The following NEBL variants were observed in gnomAD, a reference collection of about 807,000 sequenced individuals.
NEBL encodes the protein nebulette.
Under a neutral mutation model 140.2 loss-of-function variants are expected in NEBL, and 122 were observed. The ratio of observed to expected loss-of-function variants is 0.87; its 90% CI spans 0.75 to 1.01. The LOEUF (loss-of-function observed/expected upper bound fraction) is 1.01, where lower values mean the gene tolerates loss of function less well. NEBL is among the 50% of genes least tolerant of loss of function. The pLI, the probability that NEBL is intolerant of heterozygous loss-of-function variation, is 0.00. For missense variants in NEBL, 1,365 were observed against 1,231.3 expected (o/e 1.11, Z -1.62); for synonymous variants, 436 against 398.9 (o/e 1.09, Z -1.11).
chr10:20,912,321 T>C (rs1848362743), intron 4 of NEBL, among the ~76,000 whole-genome samples: 2 of 152,276 alleles, frequency 1.3e-5, no homozygotes, highest in South Asian at 4.1e-4. Context: ...TGTGGTGGTG[T>C]GTGCCTGTAG....
At chr10:21,093,830 G>A (rs1485366023) in intron 2 of NEBL, among the ~76,000 whole-genome samples, 1 of 152,158 alleles carries the variant, frequency 6.6e-6, no homozygotes. Flanking sequence ...GTCCTAGACT[G>A]GTTTCCTTAG....
intron 9 of NEBL, among the ~76,000 whole-genome samples, chr10:20,857,430 G>T (rs1161342339): frequency 2.0e-5 from 3 of 152,054 alleles, no homozygotes; most frequent in African/African-American, 7.2e-5. Flanking sequence ...ATCTATGCCT[G>T]GCCCAAAGCA....
intron 26 of NEBL, among the ~76,000 whole-genome samples, chr10:20,799,093 A>AATATAAT (rs1836847205): frequency 6.6e-6 from 1 of 152,214 alleles, no homozygotes; most frequent in African/African-American, 2.4e-5. Flanking sequence ...GATAGCCTAC[A>AATATAAT]CATTGGAATT....
At chr10:20,933,618 C>T (rs1471636083) in intron 4 of NEBL, among the ~76,000 whole-genome samples, 1 of 152,164 alleles carries the variant, frequency 6.6e-6, no homozygotes, top group African/African-American at 2.4e-5. Context: ...CCTGTAATCC[C>T]AGCTACCTGG....
intron 2 of NEBL, among the ~76,000 whole-genome samples, chr10:21,119,889 C>A (rs571125067): frequency 6.2e-4 from 95 of 152,140 alleles, no homozygotes; most frequent in African/African-American, 2.3e-3. Flanking sequence ...TTAAACAGCT[C>A]CCCAGCCTTT....
rs778128527 is a variant in NEBL, at chr10:20,808,523, C to T, written c.2748G>A (p.Pro916=). 65 of 1,613,752 alleles carry T rather than the reference C, an allele frequency of 4.0e-5. No homozygotes were observed. The highest frequency in any genetic ancestry group is 1.3e-4 in the African/African-American group (10 of 74,894). Residue 916 remains proline, a synonymous_variant, in exon 26 of 28, where the codon CCG becomes CCA. Coordinates refer to ENST00000377122, the MANE Select transcript of NEBL (RefSeq NM_006393.3). ...AATGTTTGATACCTCCTTCATCAGA[C>T]GGTCTTGTTACCTCACTGCAGCATG... The part of the protein sequence containing the change: ...SFSCCSEVTR[P]SDEGAPVLPG...
chr10:21,126,212 T>G, intron 2 of NEBL: 1 of 1,293,700 alleles, frequency 7.7e-7, no homozygotes, highest in Non-Finnish European at 1.1e-6. Context: ...TAATAACAAC[T>G]ACATTGCTGG....
At chr10:20,811,094 A>C (rs142145772) in intron 24 of NEBL, among the ~76,000 whole-genome samples, 1 of 152,304 alleles carries the variant, frequency 6.6e-6, no homozygotes, top group East Asian at 1.9e-4. Flanking sequence ...GCTCATTGGA[A>C]AGTTTAATGT....
At chr10:21,028,465 C>A (rs889927136) in intron 2 of NEBL, among the ~76,000 whole-genome samples, 1 of 152,044 alleles carries the variant, frequency 6.6e-6, no homozygotes, top group Non-Finnish European at 1.5e-5. Context: ...CACGCATGCA[C>A]AGGCACACAC....
At chr10:20,968,721 C>T (rs928977555) in intron 3 of NEBL, among the ~76,000 whole-genome samples, 7 of 152,112 alleles carry the variant, frequency 4.6e-5, no homozygotes, top group East Asian at 3.8e-4. Context: ...ATTACTGATT[C>T]GCATTATTCT....
intron 2 of NEBL, chr10:21,248,149 C>T (rs182495810): frequency 1.6e-3 from 315 of 192,490 alleles, no homozygotes; most frequent in African/African-American, 7.2e-3. Context: ...TGGCTCGCTG[C>T]CCCCTCGACC....
intron 5 of NEBL, among the ~76,000 whole-genome samples, chr10:20,876,648 A>G (rs1412408722): frequency 6.6e-6 from 1 of 152,190 alleles, no homozygotes; most frequent in Non-Finnish European, 1.5e-5. Flanking sequence ...TGAATCGACT[A>G]CCAATATGGT....
chr10:21,282,730 C>T (rs535286865), intron 1 of NEBL, among the ~76,000 whole-genome samples: 1 of 152,216 alleles, frequency 6.6e-6, no homozygotes, highest in African/African-American at 2.4e-5. Context: ...AGGCTGAGAC[C>T]TACTGGGCTG....
At position 21,084,263 on chromosome 10, in the gene NEBL, T is replaced by C. The variant is rs546651736; in HGVS notation, c.165-64062A>G. Among the ~76,000 whole-genome samples the C allele has an allele frequency of 2.6e-5, 4 of 152,392 alleles. No individual in the cohort carries two copies. The East Asian group carries it at 7.7e-4, about 29-fold the overall frequency. On this transcript the variant is annotated intron_variant, in intron 2 of 6. Transcript: ENST00000417816. ...TTATGCGTTGAGTGTTGAATGCAGC[T>C]ATACATACATTGTTGCCTCATTCAC...
intron 2 of NEBL, among the ~76,000 whole-genome samples, chr10:21,063,439 T>C (rs1835390293): frequency 6.6e-6 from 1 of 152,220 alleles, no homozygotes; most frequent in Non-Finnish European, 1.5e-5. Flanking sequence ...GTTAGTCAAA[T>C]TTAACAAGTC....
Position 20,955,774 on chromosome 10 carries a change from T to C in NEBL, c.357+5898A>G, listed in dbSNP as rs550253125. 1.8e-4 allele frequency among the ~76,000 whole-genome samples: 28 copies of C among 152,114 alleles called. 1 individual carries two copies. Among genetic ancestry groups the C allele is most frequent in the African/African-American group, 6.3e-4 (26 of 41,508 alleles). On this transcript the variant is annotated intron_variant, in intron 4 of 6. Transcript: ENST00000417816. The stretch of plus-strand genomic sequence containing the variant: ...AGGAACAGAAGGAGATAAGGCCAAT[T>C]AGGAAGTTACTGCAGTAACTCAGGC...
At chr10:21,177,061 T>C (rs1841312162), upstream of NEBL, among the ~76,000 whole-genome samples, 2 of 152,242 alleles carry the variant, frequency 1.3e-5, no homozygotes, top group Non-Finnish European at 2.9e-5. Flanking sequence ...TCACAATTTT[T>C]TTTTCCTTCT....
chr10:21,000,418 T>G (rs1467142624), intron 3 of NEBL, among the ~76,000 whole-genome samples: 1 of 152,068 alleles, frequency 6.6e-6, no homozygotes, highest in Non-Finnish European at 1.5e-5. Flanking sequence ...TAGTCCCCTG[T>G]CAAAAGTGAC....
At chr10:21,258,855 G>C (rs941000536) in intron 1 of NEBL, among the ~76,000 whole-genome samples, 26 of 152,174 alleles carry the variant, frequency 1.7e-4, no homozygotes, top group African/African-American at 5.8e-4. Context: ...ACTCTGGCCT[G>C]GGCTGGAATA....
Sources: gnomAD v4.1 joint callset for allele counts (sites outside exome capture counted in the v4.1 genomes callset) on GRCh38, gnomAD v4.1.1 for gene constraint, MANE v1.5 for transcripts, NCBI Gene and HGNC (gene_info 2026-07-23, HGNC 2026-07-21) for gene names.